COLEC10: variants seen among roughly 807,000 people sequenced by gnomAD.
COLEC10 encodes the protein collectin-10.
COLEC10 carries 22 observed loss-of-function variants against 28.4 expected under a neutral mutation model. The observed-to-expected ratio is 0.78, with a 90% confidence interval of 0.55 to 1.11. COLEC10 has a LOEUF of 1.11. Ranked by LOEUF, COLEC10 falls within the 50% of genes least tolerant of loss-of-function variation. The pLI, the probability that COLEC10 is intolerant of heterozygous loss-of-function variation, is 0.00. For synonymous variants in COLEC10, 125 were observed against 116.1 expected (o/e 1.08, Z -0.49); for missense variants, 361 against 344.1 (o/e 1.05, Z -0.39).
intron 2 of COLEC10, among the ~76,000 whole-genome samples, chr8:119,034,464 GT>G (rs1423019200): frequency 1.3e-5 from 2 of 150,104 alleles, no homozygotes; most frequent in Non-Finnish European, 2.9e-5. Context: ...TGTAATCACA[GT>G]ACTTTGGGAG....
chr8:119,020,978 C>T (rs1353799260), intron 2 of COLEC10, among the ~76,000 whole-genome samples: 4 of 152,034 alleles, frequency 2.6e-5, no homozygotes, highest in African/African-American at 7.2e-5. Flanking sequence ...ATAGGACTTG[C>T]TCATTATCAG....
intron 3 of COLEC10, among the ~76,000 whole-genome samples, chr8:119,094,039 G>A (rs1401979504): frequency 5.3e-5 from 8 of 152,136 alleles, no homozygotes; most frequent in Non-Finnish European, 1.2e-4. Flanking sequence ...TGACTTCCAT[G>A]TATACTTATT....
chr8:118,953,331 G>A, the COLEC10 span, among the ~76,000 whole-genome samples: 1 of 152,212 alleles, frequency 6.6e-6, no homozygotes, highest in African/African-American at 2.4e-5. Context: ...TTTGACATCT[G>A]CAACCTGAGA....
chr8:119,060,721 G>C (rs1814841518), intron 2 of COLEC10, among the ~76,000 whole-genome samples: 1 of 152,110 alleles, frequency 6.6e-6, no homozygotes, highest in African/African-American at 2.4e-5. Flanking sequence ...ATGAGAATGA[G>C]AGGCTCCCAC....
intron 1 of COLEC10, among the ~76,000 whole-genome samples, chr8:118,997,462 T>C (rs1485647870): frequency 6.6e-6 from 1 of 152,222 alleles, no homozygotes; most frequent in Non-Finnish European, 1.5e-5. Flanking sequence ...ACATCTTTAA[T>C]TCATTTTGAG....
intron 2 of COLEC10, among the ~76,000 whole-genome samples, chr8:119,015,228 T>C (rs1413471064): frequency 6.6e-6 from 1 of 150,902 alleles, no homozygotes; most frequent in Non-Finnish European, 1.5e-5. Flanking sequence ...TGAAGCATTG[T>C]GTAGGCTTCT....
At chr8:118,976,690 C>A in the COLEC10 span, 4 of 152,134 alleles carry the variant, frequency 2.6e-5, no homozygotes, top group African/African-American at 9.7e-5. Context: ...TAGGCATGGG[C>A]AAGGACTTCA....
chr8:118,975,064 C>G, the COLEC10 span, among the ~76,000 whole-genome samples: 1 of 152,008 alleles, frequency 6.6e-6, no homozygotes, highest in Non-Finnish European at 1.5e-5. Flanking sequence ...AACTTCCATG[C>G]CCTTCGGGGT....
chr8:118,974,913 A>C, the COLEC10 span, among the ~76,000 whole-genome samples: 1 of 152,056 alleles, frequency 6.6e-6, no homozygotes, highest in African/African-American at 2.4e-5. Context: ...TGCTGGGGGA[A>C]AAAGGGAGAC....
intron 2 of COLEC10, among the ~76,000 whole-genome samples, chr8:119,050,850 T>C (rs751037895): frequency 1.3e-5 from 2 of 152,220 alleles, no homozygotes; most frequent in Non-Finnish European, 2.9e-5. Context: ...GTAGCTGTGA[T>C]CTGTCCATAA....
At chr8:118,968,971 T>C in the COLEC10 span, among the ~76,000 whole-genome samples, 1 of 150,298 alleles carries the variant, frequency 6.7e-6, no homozygotes, top group East Asian at 2.0e-4. Context: ...ACCGTGAGTG[T>C]GTTAACTTAT....
At chr8:118,991,320 C>T (rs1220036730), upstream of COLEC10, among the ~76,000 whole-genome samples, 1 of 152,144 alleles carries the variant, frequency 6.6e-6, no homozygotes, top group African/African-American at 2.4e-5. Flanking sequence ...ATAAAATGAA[C>T]TAGTACCCAT....
At chr8:118,999,333 G>A (rs1813646929) in intron 1 of COLEC10, among the ~76,000 whole-genome samples, 1 of 152,092 alleles carries the variant, frequency 6.6e-6, no homozygotes. Context: ...GCAATCGCCT[G>A]TAATCCCAGC....
At chr8:118,982,605 T>A in the COLEC10 span, 1 of 196,650 alleles carries the variant, frequency 5.1e-6, no homozygotes. Flanking sequence ...AGCTGTCCCA[T>A]AGTTAGGCTG....
chr8:118,968,964 G>A, the COLEC10 span, among the ~76,000 whole-genome samples: 18 of 150,908 alleles, frequency 1.2e-4, no homozygotes, highest in Admixed American at 3.3e-4. Flanking sequence ...CCCAGAAACC[G>A]TGAGTGTGTT....
intron 1 of COLEC10, among the ~76,000 whole-genome samples, chr8:118,999,029 C>T (rs1336350465): frequency 6.6e-6 from 1 of 151,814 alleles, no homozygotes; most frequent in Non-Finnish European, 1.5e-5. Context: ...TCATAAGAAC[C>T]CCAGGCACAA....
At chr8:119,073,596 C>T (rs1306331100) in intron 1 of COLEC10, among the ~76,000 whole-genome samples, 1 of 151,730 alleles carries the variant, frequency 6.6e-6, no homozygotes, top group Non-Finnish European at 1.5e-5. Context: ...TGTATCGATA[C>T]TTAGAACAAT....
intron 3 of COLEC10, among the ~76,000 whole-genome samples, chr8:119,096,585 C>A (rs770437722): frequency 4.0e-5 from 6 of 151,794 alleles, no homozygotes; most frequent in Admixed American, 6.6e-5. Flanking sequence ...AGTGAGACTG[C>A]ATCTCAAAAA....
intron 1 of COLEC10, among the ~76,000 whole-genome samples, chr8:119,083,101 C>A (rs1463801186): frequency 2.0e-5 from 3 of 152,124 alleles, no homozygotes; most frequent in African/African-American, 7.2e-5. Context: ...CACTCGTCAA[C>A]CAAACACACA....
Sources: gnomAD v4.1 joint callset for allele counts (sites outside exome capture counted in the v4.1 genomes callset) on GRCh38, gnomAD v4.1.1 for gene constraint, MANE v1.5 for transcripts, NCBI Gene and HGNC (gene_info 2026-07-23, HGNC 2026-07-21) for gene names.